Variants in LMTK2 observed in about 807,000 individuals in gnomAD.
The protein encoded by LMTK2 is serine/threonine-protein kinase LMTK2.
In LMTK2, 37 loss-of-function variants were observed where a neutral mutation model predicts 127.5. The ratio of observed to expected loss-of-function variants is 0.29; its 90% CI spans 0.22 to 0.38. The LOEUF is 0.38. Ranked by LOEUF, LMTK2 falls within the 10% of genes least tolerant of loss-of-function variation. LMTK2 has a pLI of 1.00. For synonymous variants in LMTK2, 819 were observed against 810.1 expected, an observed-to-expected ratio of 1.01 and a Z score of -0.19; for missense variants, 1,694 against 1,920.3, an observed-to-expected ratio of 0.88 and a Z score of 2.20.
At chr7:98,140,216 A>G (rs1393158978) in intron 2 of LMTK2, among the ~76,000 whole-genome samples, 3 of 147,684 alleles carry the variant, frequency 2.0e-5, no homozygotes, top group Non-Finnish European at 3.0e-5. Flanking sequence ...GTCTCGCTCT[A>G]TCACCCAGCC....
chr7:98,204,142 G>C lies in LMTK2; in HGVS notation c.4439G>C (p.Ser1480Thr). ...RFSISPANIA[S>T]FSLTHLTDSD... ...TCCATCTCTCCCGCCAACATTGCCA[G>C]CTTTTCCCTCACACACCTGACCGAC... The change falls in exon 13 of 14, where the codon AGC (serine) becomes ACC (threonine). Residue 1480 changes from serine (S) to threonine (T), a missense_variant. Ser to Thr is a moderately conservative substitution (Grantham distance 58). This residue lies in a region of LMTK2 where 554 missense variants were observed against 567.7 expected (regional missense o/e 0.98). Coordinates refer to ENST00000297293, the MANE Select transcript of LMTK2 (RefSeq NM_014916.4). 6.2e-7 allele frequency: 1 copy of C among 1,611,056 alleles called. No individual in the cohort carries two copies. Among genetic ancestry groups the C allele is most frequent in the South Asian group, 1.1e-5 (1 of 91,072 alleles).
rs1274611100 is a variant in LMTK2 at position 98,208,576 on chromosome 7, G to T, written c.*3084G>T. On this transcript the variant is annotated 3_prime_UTR_variant, in exon 14 of 14. Transcript: ENST00000297293. ...AATCAATCTGAATTAGTCCTGTTTT[G>T]GTGGAGTTTGTACATTTTAAATCCT... 1 of 152,160 alleles carries T rather than the reference G, an allele frequency of 6.6e-6. No homozygotes were observed. The highest frequency in any genetic ancestry group is 1.5e-5 in the Non-Finnish European group (1 of 68,026). The allele number at this position is 152,160 out of a possible 1,614,324, so 9.4% of individuals were successfully genotyped here. A position where few individuals can be genotyped will look rare whatever the true frequency, so the allele number is the denominator to read the frequency against.
intron 2 of LMTK2, among the ~76,000 whole-genome samples, chr7:98,140,180 TCTTTC>T (rs745406074): frequency 0.7 from 53,020 of 75,602 alleles, 22,014 homozygotes; most frequent in Middle Eastern, 0.81. Flanking sequence ...TTCTTTCTTT[TCTTTC>T]TTCTTTCTGT....
intron 1 of LMTK2, among the ~76,000 whole-genome samples, chr7:98,128,558 G>A (rs1376637072): frequency 6.6e-6 from 1 of 152,216 alleles, no homozygotes; most frequent in Non-Finnish European, 1.5e-5. Context: ...TACGCGCAGT[G>A]TTCAGACTAA....
chr7:98,175,565 G>C (rs1484591152), intron 7 of LMTK2, among the ~76,000 whole-genome samples: 1 of 152,238 alleles, frequency 6.6e-6, no homozygotes, highest in Non-Finnish European at 1.5e-5. Context: ...GCTTAGGCTG[G>C]TTTAGAAAGA....
chr7:98,116,050 A>G (rs1465623630), intron 1 of LMTK2, among the ~76,000 whole-genome samples: 2 of 151,998 alleles, frequency 1.3e-5, no homozygotes, highest in African/African-American at 2.4e-5. Context: ...ATGCTTGGCC[A>G]ATTTTTACTT....
chr7:98,114,305 G>C (rs1796246849), intron 1 of LMTK2, among the ~76,000 whole-genome samples: 2 of 149,958 alleles, frequency 1.3e-5, no homozygotes, highest in Admixed American at 6.7e-5. Flanking sequence ...CAGTGGTGCA[G>C]TCATATTCAC....
chr7:98,171,606 G>C lies in LMTK2; in HGVS notation c.723G>C (p.Leu241=). 6.2e-7 allele frequency: 1 copy of C among 1,612,604 alleles called. No individual in the cohort carries two copies. The highest frequency in any genetic ancestry group is 8.5e-7 in the Non-Finnish European group (1 of 1,179,628). Residue 241 remains leucine (L), a synonymous_variant, in exon 7 of 14, where the codon CTG becomes CTC. Coordinates refer to ENST00000297293, the MANE Select transcript of LMTK2 (RefSeq NM_014916.4). The surrounding 1 kb of genome is among the most constrained non-coding windows in gnomAD (Gnocchi z 5.1). ...EHMRGDSQTM[L]LQRMACEVAA... is the part of the protein sequence containing the mutation. ...TGCGGGGGGACTCACAGACCATGCT[G>C]CTGCAGAGGATGGCGTGCGAGGTCG...
rs1797795354 is a variant in LMTK2 at position 98,206,195 on chromosome 7, G to T, written c.*703G>T. The stretch of plus-strand genomic sequence containing the variant: ...TGGTACTCTTTCATAAATGATAAAT[G>T]ATTCTGAATGTTAGTGTTTTATGTT... On this transcript the variant is annotated 3_prime_UTR_variant, in exon 14 of 14. Transcript: ENST00000297293. 3 of 152,232 alleles carry T rather than the reference G, an allele frequency of 2.0e-5. No homozygotes were observed. The highest frequency in any genetic ancestry group is 4.4e-5 in the Non-Finnish European group (3 of 68,038). The allele number at this position is 152,232 out of a possible 1,614,324, so 9.4% of individuals were successfully genotyped here.
chr7:98,118,971 A>G lies in LMTK2; in HGVS notation c.103+11691A>G, dbSNP rs1253016314. Among the ~76,000 whole-genome samples the G allele has an allele frequency of 2.0e-5, 3 of 152,068 alleles. No homozygotes were observed. The South Asian group carries it at 6.2e-4, about 31-fold the overall frequency. ...GCCAGGTGTGGTGGCGGGTGCCTGT[A>G]GTCCCAGCTACTCAGGAGGCTGAGG... On this transcript the variant is annotated intron_variant, in intron 1 of 13. Transcript: ENST00000297293.
intron 6 of LMTK2, among the ~76,000 whole-genome samples, chr7:98,164,496 G>T (rs974439972): frequency 5.9e-5 from 9 of 152,164 alleles, no homozygotes; most frequent in African/African-American, 1.7e-4. Context: ...CCTTAGAACT[G>T]CCCTGACCAT....
chr7:98,114,128 C>T (rs1255504608), intron 1 of LMTK2, among the ~76,000 whole-genome samples: 1 of 152,070 alleles, frequency 6.6e-6, no homozygotes, highest in African/African-American at 2.4e-5. Context: ...ACTCTGTATT[C>T]CTCTGCCCAC....
rs755541860 is a variant in LMTK2, at chr7:98,192,401, C to T, written c.1936C>T (p.Pro646Ser). The T allele has an allele frequency of 6.2e-7, 1 of 1,610,252 alleles. No homozygotes were observed. Among genetic ancestry groups the T allele is most frequent in the East Asian group, 2.2e-5 (1 of 44,864 alleles). Reference sequence around the variant, plus strand: ...TGATGTGGACAAATCGGAAGATTTGCCCAGTCACCAAAAAATATTCGACTT... The same window carrying T: ...TGATGTGGACAAATCGGAAGATTTGTCCAGTCACCAAAAAATATTCGACTT... ...FNDVDKSEDL[P>S]SHQKIFDLME... is the part of the protein sequence containing the mutation. The change falls in exon 11 of 14, where the codon CCC (proline) becomes TCC (serine). Residue 646 changes from proline to serine, a missense_variant. This residue lies in a region of LMTK2 where 527 missense variants were observed against 539.8 expected (regional missense o/e 0.98). Transcript: ENST00000297293.
chr7:98,180,178 C>T (rs772478380), intron 7 of LMTK2, among the ~76,000 whole-genome samples: 19 of 152,206 alleles, frequency 1.2e-4, no homozygotes, highest in Non-Finnish European at 2.2e-4. Flanking sequence ...CGAATTATAT[C>T]GGTGTTAGCC....
In LMTK2 at chr7:98,192,637, A is replaced by C; in HGVS notation, c.2172A>C (p.Leu724Phe). The C allele has an allele frequency of 1.9e-6, 3 of 1,612,086 alleles. No individual in the cohort carries two copies. ...TTCAAGAATTGTCAGAAAACTTTTT[A>C]TTTCTTCAAGAGAAAAACTTACTAA... ...LNVQELSENF[L>F]FLQEKNLLKG... The change falls in exon 11 of 14, where the codon TTA becomes TTC. Residue 724 changes from leucine (L) to phenylalanine (F), a missense_variant. Physicochemically the swap from Leu to Phe is conservative, Grantham distance 22. Coordinates refer to ENST00000297293, the MANE Select transcript of LMTK2 (RefSeq NM_014916.4).
At position 98,171,699 on chromosome 7, in the gene LMTK2, C is replaced by T. The variant is rs372102590; in HGVS notation, c.791+25C>T. 64 of 1,544,100 alleles carry T rather than the reference C, an allele frequency of 4.1e-5. No homozygotes were observed. Among genetic ancestry groups the T allele is most frequent in the South Asian group, 5.0e-5 (4 of 79,500 alleles). On this transcript the variant is annotated intron_variant, in intron 7 of 13. Transcript: ENST00000297293. The surrounding 1 kb of genome is among the most constrained non-coding windows in gnomAD (Gnocchi z 5.1). ...GGTGGGTACCTGCGTCAGCGGTGCA[C>T]GCCCCACACAGCACCGGCGGGACAG...
rs145409380 is a variant in LMTK2 at position 98,115,511 on chromosome 7, A to G, written c.103+8231A>G. On this transcript the variant is annotated intron_variant, in intron 1 of 13. Transcript: ENST00000297293. ...GAGAAATTACTGCTGGCTGAAATCA[A>G]GAAAGGTTTGGTTTTGGGCCGGGTG... 3.3e-3 allele frequency among the ~76,000 whole-genome samples: 499 copies of G among 152,224 alleles called. 2 individuals carry two copies. Among genetic ancestry groups the G allele is most frequent in the African/African-American group, 0.012 (478 of 41,530 alleles).
At chr7:98,159,930 AT>A (rs2116401978) in intron 6 of LMTK2, among the ~76,000 whole-genome samples, 1 of 152,258 alleles carries the variant, frequency 6.6e-6, no homozygotes, top group South Asian at 2.1e-4. Context: ...AGTTAGATTT[AT>A]TTTCTTAAAA....
Position 98,141,460 on chromosome 7 carries a change from G to A in LMTK2, c.295G>A (p.Val99Ile). 1.2e-6 allele frequency: 2 copies of A among 1,613,708 alleles called. No individual in the cohort carries two copies. The highest frequency in any genetic ancestry group is 1.7e-6 in the Non-Finnish European group (2 of 1,179,600). The change falls in exon 3 of 14, where the codon GTT becomes ATT. Residue 99 changes from valine (V) to isoleucine (I), a missense_variant. Physicochemically the swap from Val to Ile is conservative, Grantham distance 29. Coordinates refer to ENST00000297293, the MANE Select transcript of LMTK2 (RefSeq NM_014916.4). ...FTPPAEDTPSVQSPAEVFTLS... is the reference protein window; with the variant it reads ...FTPPAEDTPSIQSPAEVFTLS... ...ACCACCAGCAGAAGACACTCCCTCT[G>A]TTCAGTCCCCAGCAGAGGTCTTCAC...
Sources: allele counts gnomAD v4.1 joint callset (sites outside exome capture counted in the v4.1 genomes callset), GRCh38; gene constraint gnomAD v4.1.1; regional missense constraint gnomAD v4.1.1; non-coding constraint Gnocchi (gnomAD v3.1); transcripts MANE v1.5; gene names NCBI Gene and HGNC (gene_info 2026-07-23, HGNC 2026-07-21).